Variants in SVOPL observed in about 807,000 individuals in gnomAD.
SVOPL encodes SVOP like, also known as putative transporter SVOPL.
SVOPL carries 60 observed loss-of-function variants against 61.0 expected under a neutral mutation model. That is an observed-to-expected ratio of 0.98 (90% CI 0.80 to 1.22). The LOEUF is 1.22. Among genes scored for constraint, SVOPL ranks in the 50% most tolerant of loss-of-function variants. SVOPL has a pLI of 0.00. For synonymous variants in SVOPL, 279 were observed against 250.0 expected, an observed-to-expected ratio of 1.12 and a Z score of -1.09; for missense variants, 662 against 643.9, an observed-to-expected ratio of 1.03 and a Z score of -0.30.
At chr7:138,694,788 G>A (rs1803031210) in intron 1 of SVOPL, among the ~76,000 whole-genome samples, 1 of 151,948 alleles carries the variant, frequency 6.6e-6, no homozygotes. Context: ...TTGTTGCCCA[G>A]GATGGAGTGC....
intron 14 of SVOPL, among the ~76,000 whole-genome samples, chr7:138,609,199 C>T (rs568642854): frequency 9.2e-5 from 14 of 152,154 alleles, no homozygotes; most frequent in South Asian, 4.2e-4. Context: ...CATCTGTGGC[C>T]GATATGTGAA....
At chr7:138,622,308 A>ATCTATCTATCTG (rs1563096950) in intron 13 of SVOPL, among the ~76,000 whole-genome samples, 2 of 148,268 alleles carry the variant, frequency 1.3e-5, no homozygotes, top group African/African-American at 5.0e-5. Context: ...CTATCTATCT[A>ATCTATCTATCTG]TCTATCGACA....
intron 3 of SVOPL, among the ~76,000 whole-genome samples, chr7:138,677,886 C>T (rs1438117920): frequency 6.6e-6 from 1 of 151,972 alleles, no homozygotes; most frequent in Non-Finnish European, 1.5e-5. Flanking sequence ...CCTCAGCCTC[C>T]CGAGTAGCTG....
chr7:138,604,978 G>A (rs1798688252), intron 14 of SVOPL, among the ~76,000 whole-genome samples: 1 of 151,928 alleles, frequency 6.6e-6, no homozygotes, highest in South Asian at 2.1e-4. Context: ...CACTTTGGGA[G>A]GCTGAGATGG....
At chr7:138,608,622 G>C (rs1798859225) in intron 14 of SVOPL, among the ~76,000 whole-genome samples, 1 of 152,106 alleles carries the variant, frequency 6.6e-6, no homozygotes, top group African/African-American at 2.4e-5. Context: ...TGTGAAATGT[G>C]AGTAAGTTGG....
intron 5 of SVOPL, chr7:138,662,559 A>C (rs1005141915): frequency 1.0e-6 from 1 of 985,202 alleles, no homozygotes; most frequent in African/African-American, 1.8e-5. Context: ...AGAGGAAAAA[A>C]CCTCCCAATA....
chr7:138,602,195 A>C (rs1287185438), intron 14 of SVOPL, among the ~76,000 whole-genome samples: 1 of 152,144 alleles, frequency 6.6e-6, no homozygotes, highest in Non-Finnish European at 1.5e-5. Context: ...CCTGGGCAAC[A>C]AAGCAAGATC....
At chr7:138,622,126 C>T (rs1289121544) in intron 13 of SVOPL, among the ~76,000 whole-genome samples, 1 of 72,776 alleles carries the variant, frequency 1.4e-5, no homozygotes, top group Non-Finnish European at 3.3e-5. Flanking sequence ...ATCTATGTAT[C>T]TATCTATCTA....
chr7:138,653,923 ACT>A (rs1365315853), intron 7 of SVOPL, among the ~76,000 whole-genome samples: 2 of 103,146 alleles, frequency 1.9e-5, no homozygotes, highest in South Asian at 8.0e-4. Flanking sequence ...ACAGAGCAAG[ACT>A]CTGTCTCAAA....
chr7:138,607,200 G>C (rs1798797647), intron 14 of SVOPL, among the ~76,000 whole-genome samples: 2 of 152,132 alleles, frequency 1.3e-5, no homozygotes, highest in Non-Finnish European at 2.9e-5. Context: ...AAATGCTGGG[G>C]AGATAATCAG....
At chr7:138,682,666 T>G (rs1802724414) in intron 1 of SVOPL, among the ~76,000 whole-genome samples, 1 of 151,776 alleles carries the variant, frequency 6.6e-6, no homozygotes, top group East Asian at 1.9e-4. Context: ...TATAAAAAAT[T>G]TAAAAATAAA....
At chr7:138,700,210 G>A (rs1803159929) in intron 1 of SVOPL, among the ~76,000 whole-genome samples, 1 of 151,920 alleles carries the variant, frequency 6.6e-6, no homozygotes, top group African/African-American at 2.4e-5. Context: ...GAAGAAAGAA[G>A]AGAACAACAT....
chr7:138,594,671 G>T, intron 15 of SVOPL, 50 bp from the exon 16 acceptor site: 2 of 1,399,650 alleles, frequency 1.4e-6, no homozygotes, highest in Non-Finnish European at 1.9e-6. Context: ...TAAAAGTCTT[G>T]TCCATTCATA....
intron 3 of SVOPL, among the ~76,000 whole-genome samples, chr7:138,675,342 C>T (rs1217354921): frequency 6.6e-6 from 1 of 151,942 alleles, no homozygotes; most frequent in Non-Finnish European, 1.5e-5. Flanking sequence ...GATCACACAA[C>T]CCTTTATTTT....
chr7:138,660,053 T>C, intron 5 of SVOPL, 65 bp from the exon 6 acceptor site: 1 of 1,535,652 alleles, frequency 6.5e-7, no homozygotes, highest in Non-Finnish European at 8.8e-7. Context: ...AAGCCCTAAC[T>C]TCTGAAGGCG....
chr7:138,683,344 A>G (rs1479231135), intron 1 of SVOPL, among the ~76,000 whole-genome samples: 1 of 152,130 alleles, frequency 6.6e-6, no homozygotes, highest in Non-Finnish European at 1.5e-5. Context: ...TCCAAAATAA[A>G]TAATTCAAAA....
At chr7:138,621,192 C>A in intron 13 of SVOPL, 57 bp from the exon 14 acceptor site, 7 of 1,474,100 alleles carry the variant, frequency 4.7e-6, no homozygotes, top group Non-Finnish European at 6.5e-6. Context: ...TCCCCGAGCC[C>A]TCCTCTTCCC....
intron 2 of SVOPL, 126 bp downstream of exon 2, chr7:138,678,837 TG>T: frequency 1.0e-6 from 1 of 957,768 alleles, no homozygotes; most frequent in Non-Finnish European, 1.5e-6. Context: ...CCCAAAGTGA[TG>T]GGATTACAGG....
At chr7:138,618,822 A>T (rs1047728634) in intron 14 of SVOPL, among the ~76,000 whole-genome samples, 1 of 152,080 alleles carries the variant, frequency 6.6e-6, no homozygotes, top group African/African-American at 2.4e-5. Flanking sequence ...AGAAAATGAA[A>T]ATGAAAATAA....
Sources: allele counts gnomAD v4.1 joint callset (sites outside exome capture counted in the v4.1 genomes callset), GRCh38; gene constraint gnomAD v4.1.1; transcripts MANE v1.5; gene names NCBI Gene and HGNC (gene_info 2026-07-23, HGNC 2026-07-21).